The following CBFA2T2 variants were observed in gnomAD, a reference collection of about 807,000 sequenced individuals.
CBFA2T2 encodes protein CBFA2T2.
Under a neutral mutation model 62.2 loss-of-function variants are expected in CBFA2T2, and 11 were observed. The observed-to-expected ratio is 0.18, with a 90% CI of 0.11 to 0.29. The LOEUF is 0.29. Among genes scored for constraint, CBFA2T2 ranks in the 10% least tolerant of loss-of-function variants. The pLI, the probability that CBFA2T2 is intolerant of heterozygous loss-of-function variation, is 1.00. For missense variants in CBFA2T2, 592 were observed against 774.1 expected (o/e 0.76, Z 2.79); for synonymous variants, 295 against 287.5 (o/e 1.03, Z -0.27).
chr20:33,605,365 G>A (rs1283364975), intron 1 of CBFA2T2, among the ~76,000 whole-genome samples: 1 of 152,132 alleles, frequency 6.6e-6, no homozygotes, highest in Non-Finnish European at 1.5e-5. Context: ...ATGAATGGCT[G>A]GTACTTAAGT....
Position 33,501,344 on chromosome 20 carries a change from C to T in CBFA2T2, c.34+11043C>T, listed in dbSNP as rs115201421. On this transcript the variant is annotated intron_variant, in intron 1 of 10. Transcript: ENST00000342704. The stretch of plus-strand genomic sequence containing the variant: ...AATTTAGCCATCTCCATGCAGAGGT[C>T]GTGCCTGCTTTTAATTTTTCGAAGC... 2.5e-3 allele frequency among the ~76,000 whole-genome samples: 388 copies of T among 152,252 alleles called. 6 individuals carry two copies. Among genetic ancestry groups the T allele is most frequent in the African/African-American group, 9.0e-3 (375 of 41,544 alleles).
chr20:33,528,377 A>C lies in CBFA2T2; in HGVS notation c.34+38076A>C, dbSNP rs187856443. 1.8e-4 allele frequency among the ~76,000 whole-genome samples: 28 copies of C among 152,364 alleles called. No homozygotes were observed. The East Asian group carries it at 1.9e-3, about 10-fold the overall frequency. On this transcript the variant is annotated intron_variant, in intron 1 of 10. Transcript: ENST00000342704. Reference sequence around the variant, plus strand: ...AAAGGAAGTGATCAGTAAAGGTTGCATGTGGAAAATGTTGTCTGAATCAGT... The same window carrying C: ...AAAGGAAGTGATCAGTAAAGGTTGCCTGTGGAAAATGTTGTCTGAATCAGT...
Position 33,621,287 on chromosome 20 carries a change from C to CTTTTTTTTTTTTTTTTTTTTTTTT in CBFA2T2, c.510+1684_510+1707dup, listed in dbSNP as rs199805350. On this transcript the variant is annotated intron_variant, in intron 4 of 10. Coordinates refer to ENST00000342704, the MANE Select transcript of CBFA2T2 (RefSeq NM_001032999.3). ...TCTATAATACCTTTAATTTTACTGC[C>CTTTTTTTTTTTTTTTTTTTTTTTT]TTTTTTTTTTTTTTTTTTTTTTTTT... Among the ~76,000 whole-genome samples the CTTTTTTTTTTTTTTTTTTTTTTTT allele has an allele frequency of 9.0e-4, 77 of 85,296 alleles. 6 individuals carry two copies. The highest frequency in any genetic ancestry group is 4.5e-3 in the East Asian group (11 of 2,418). The allele number at this position is 85,296 out of a possible 152,430, so 56.0% of individuals were successfully genotyped here.
In CBFA2T2 at chr20:33,606,993, G is replaced by A. The variant is rs779280088; in HGVS notation, c.72G>A (p.Ser24=). The A allele has an allele frequency of 4.2e-5, 68 of 1,613,718 alleles. No homozygotes were observed. In the Admixed American group the frequency reaches 9.0e-4, roughly 21 times the overall value. ...PEKRVPAMPG[S]PVEVKIQSRS... is the part of the protein sequence containing the mutation. ...AAAGGGTGCCAGCGATGCCTGGATCGCCTGTGGAAGTGAAGATACAGTCCA... is the reference window on the plus strand; with the variant it reads ...AAAGGGTGCCAGCGATGCCTGGATCACCTGTGGAAGTGAAGATACAGTCCA... The change falls in exon 2 of 11, where the codon TCG becomes TCA. Residue 24 remains serine (S), a synonymous_variant. Coordinates refer to ENST00000342704, the MANE Select transcript of CBFA2T2 (RefSeq NM_001032999.3).
At chr20:33,631,609 T>C (rs1315285268) in intron 8 of CBFA2T2, among the ~76,000 whole-genome samples, 1 of 150,596 alleles carries the variant, frequency 6.6e-6, no homozygotes, top group African/African-American at 2.5e-5. Context: ...TGGCTATGCA[T>C]GACCACTACT....
intron 1 of CBFA2T2, among the ~76,000 whole-genome samples, chr20:33,534,555 C>T (rs1267868794): frequency 6.6e-6 from 1 of 152,012 alleles, no homozygotes; most frequent in Admixed American, 6.6e-5. Context: ...TCAAGTGATC[C>T]GTCCACCTCG....
intron 1 of CBFA2T2, among the ~76,000 whole-genome samples, chr20:33,598,705 G>A (rs1414441338): frequency 1.3e-5 from 2 of 152,158 alleles, no homozygotes; most frequent in Admixed American, 1.3e-4. Context: ...AATCACAAGA[G>A]TATTGATTGG....
chr20:33,493,717 G>C (rs1292630818), intron 1 of CBFA2T2, among the ~76,000 whole-genome samples: 1 of 151,906 alleles, frequency 6.6e-6, no homozygotes, highest in Non-Finnish European at 1.5e-5. Flanking sequence ...TTCTCAGGCT[G>C]GTCTTGAACT....
chr20:33,521,023 A>G (rs779244257), intron 1 of CBFA2T2, among the ~76,000 whole-genome samples: 5 of 150,342 alleles, frequency 3.3e-5, no homozygotes, highest in Non-Finnish European at 7.4e-5. Flanking sequence ...CATCCTAGAT[A>G]GTTTACCAAT....
intron 1 of CBFA2T2, among the ~76,000 whole-genome samples, chr20:33,511,269 G>A (rs537197353): frequency 8.5e-5 from 13 of 152,258 alleles, no homozygotes; most frequent in African/African-American, 1.9e-4. Context: ...ATGGTTTTAC[G>A]TCTAATATTT....
At chr20:33,541,921 C>T (rs1217216738) in intron 1 of CBFA2T2, among the ~76,000 whole-genome samples, 1 of 152,124 alleles carries the variant, frequency 6.6e-6, no homozygotes, top group African/African-American at 2.4e-5. Flanking sequence ...CTCTGTCACC[C>T]AGGCTGGAGT....
chr20:33,619,451 G>T, intron 3 of CBFA2T2, 66 bp from the exon 4 acceptor site: 14 of 680,810 alleles, frequency 2.1e-5, no homozygotes, highest in Non-Finnish European at 3.3e-5. Context: ...AAAAAAAGAA[G>T]AGTTTGGCAC....
chr20:33,622,480 G>A (rs774448977), intron 4 of CBFA2T2, among the ~76,000 whole-genome samples: 4 of 152,104 alleles, frequency 2.6e-5, no homozygotes, highest in East Asian at 3.8e-4. Context: ...GAAAGAGATC[G>A]AGTTCTGAGC....
At chr20:33,534,620 G>T (rs1433674856) in intron 1 of CBFA2T2, among the ~76,000 whole-genome samples, 24 of 151,260 alleles carry the variant, frequency 1.6e-4, no homozygotes, top group Admixed American at 1.6e-3. Flanking sequence ...GCCTGTTGAG[G>T]TTTTTTTTTA....
At chr20:33,616,125 A>G (rs1054011358) in intron 3 of CBFA2T2, among the ~76,000 whole-genome samples, 3 of 149,362 alleles carry the variant, frequency 2.0e-5, no homozygotes, top group African/African-American at 7.3e-5. Context: ...AGATAGATAG[A>G]TAGATAGATG....
At chr20:33,621,287 C>CTTGTTTTTTTTTTTTTTTTTTTTTTTTT in intron 4 of CBFA2T2, among the ~76,000 whole-genome samples, 1 of 85,302 alleles carries the variant, frequency 1.2e-5, no homozygotes, top group South Asian at 4.1e-4. Flanking sequence ...ATTTTACTGC[C>CTTGTTTTTTTTTTTTTTTTTTTTTTTTT]TTTTTTTTTT....
chr20:33,574,943 C>T (rs1022975016), intron 1 of CBFA2T2, among the ~76,000 whole-genome samples: 4 of 152,100 alleles, frequency 2.6e-5, no homozygotes, highest in Non-Finnish European at 5.9e-5. Context: ...GCTGATAAAG[C>T]GTTTTTGTGC....
intron 1 of CBFA2T2, among the ~76,000 whole-genome samples, chr20:33,571,367 G>A (rs550086750): frequency 3.3e-5 from 5 of 152,322 alleles, no homozygotes; most frequent in Middle Eastern, 3.4e-3. Flanking sequence ...AGTGAAAATA[G>A]TGGGTGAGTT....
rs539711837 is a variant in CBFA2T2 at position 33,630,020 on chromosome 20, CA to C, written c.1228+108del. 4.7e-5 allele frequency: 46 copies of C among 976,442 alleles called. No individual in the cohort carries two copies. The African/African-American group carries it at 7.2e-4, about 15-fold the overall frequency. The allele number at this position is 976,442 out of a possible 1,614,324, so 60.5% of individuals were successfully genotyped here. ...CTTGACTTTAAAGAAAGGTGGTACT[CA>C]ATTGTGGATTTAGGGAAACTCAGGT... is the stretch of plus-strand genomic sequence containing the variant. On this transcript the variant is annotated intron_variant, in intron 8 of 10. Coordinates refer to ENST00000342704, the MANE Select transcript of CBFA2T2 (RefSeq NM_001032999.3).
Sources: gnomAD v4.1 joint callset for allele counts (sites outside exome capture counted in the v4.1 genomes callset) on GRCh38, gnomAD v4.1.1 for gene constraint, MANE v1.5 for transcripts, NCBI Gene and HGNC (gene_info 2026-07-23, HGNC 2026-07-21) for gene names.